Variants in POPDC1 observed in about 807,000 individuals in gnomAD.
POPDC1 encodes the protein popeye domain-containing protein 1.
chr6:105,125,299 A>G, the POPDC1 span: 27 of 1,413,926 alleles, frequency 1.9e-5, no homozygotes, highest in Admixed American at 3.6e-5. Flanking sequence ...TTCTCCATTC[A>G]TTGGCAACAT....
chr6:105,133,449 C>T, the POPDC1 span: 8 of 1,613,684 alleles, frequency 5.0e-6, no homozygotes, highest in African/African-American at 8.0e-5. Flanking sequence ...CATGAAAAAC[C>T]AGATGATGTA....
the POPDC1 span, chr6:105,116,907 T>A: frequency 6.3e-7 from 1 of 1,576,866 alleles, no homozygotes; most frequent in Non-Finnish European, 8.6e-7. Context: ...AAAGTACATC[T>A]ATGTATATGA....
At chr6:105,107,285 T>A in the POPDC1 span, among the ~76,000 whole-genome samples, 1 of 152,216 alleles carries the variant, frequency 6.6e-6, no homozygotes, top group Admixed American at 6.5e-5. Flanking sequence ...ACCAGGGAGC[T>A]CTTACATGAC....
At chr6:105,125,008 A>G in the POPDC1 span, among the ~76,000 whole-genome samples, 3 of 152,196 alleles carry the variant, frequency 2.0e-5, no homozygotes, top group African/African-American at 7.2e-5. Flanking sequence ...TCTCTCCCCA[A>G]AAGGCTGATA....
the POPDC1 span, chr6:105,101,123 G>A: frequency 6.2e-7 from 1 of 1,613,696 alleles, no homozygotes; most frequent in Non-Finnish European, 8.5e-7. Context: ...TGTATTTGGA[G>A]ATGCCGGTTC....
At chr6:105,133,342 G>C in the POPDC1 span, 3 of 1,591,784 alleles carry the variant, frequency 1.9e-6, no homozygotes, top group Non-Finnish European at 2.6e-6. Flanking sequence ...GTATCAGTTA[G>C]GTATCTTACC....
the POPDC1 span, chr6:105,129,283 TA>T: frequency 9.1e-7 from 1 of 1,093,912 alleles, no homozygotes; most frequent in Non-Finnish European, 1.3e-6. Context: ...TTAAAGTGAC[TA>T]AATATGCTAG....
chr6:105,121,432 T>A, the POPDC1 span, among the ~76,000 whole-genome samples: 27 of 152,044 alleles, frequency 1.8e-4, no homozygotes, highest in Admixed American at 1.8e-3. Flanking sequence ...CATGCTCAGC[T>A]AATTTTTGTA....
chr6:105,134,985 C>G, the POPDC1 span, among the ~76,000 whole-genome samples: 184 of 152,248 alleles, frequency 1.2e-3, no homozygotes, highest in Non-Finnish European at 1.8e-3. Flanking sequence ...CAAGGCCAAA[C>G]GAGAATGAAT....
chr6:105,129,073 T>C, the POPDC1 span, among the ~76,000 whole-genome samples: 1,728 of 152,308 alleles, frequency 0.011, 35 homozygotes, highest in African/African-American at 0.04. Context: ...TGGGCAATGA[T>C]ATTTCCAGGT....
At chr6:105,132,517 T>C in the POPDC1 span, among the ~76,000 whole-genome samples, 5 of 152,154 alleles carry the variant, frequency 3.3e-5, no homozygotes, top group Admixed American at 2.0e-4. Context: ...TACGCCATAC[T>C]GGGATTGCCC....
chr6:105,134,742 C>T, the POPDC1 span, among the ~76,000 whole-genome samples: 2 of 152,110 alleles, frequency 1.3e-5, no homozygotes, highest in African/African-American at 4.8e-5. Context: ...CACCAATTTA[C>T]AAATTGTGAA....
At chr6:105,121,268 CTTT>C in the POPDC1 span, among the ~76,000 whole-genome samples, 3 of 142,574 alleles carry the variant, frequency 2.1e-5, no homozygotes, top group African/African-American at 2.6e-5. Flanking sequence ...CTACTTTTAT[CTTT>C]TTTTTTTTTT....
chr6:105,099,028 C>T, the POPDC1 span: 1 of 152,198 alleles, frequency 6.6e-6, no homozygotes. Context: ...CCACACCCAG[C>T]TAATTTTTTT....
chr6:105,131,462 G>C, the POPDC1 span, among the ~76,000 whole-genome samples: 1 of 151,776 alleles, frequency 6.6e-6, no homozygotes, highest in Non-Finnish European at 1.5e-5. Flanking sequence ...TTTGAGACAG[G>C]GTCTTGCTCT....
chr6:105,127,734 C>T, the POPDC1 span, among the ~76,000 whole-genome samples: 11 of 152,008 alleles, frequency 7.2e-5, no homozygotes, highest in Admixed American at 6.6e-4. Flanking sequence ...TGGCGCCCAG[C>T]CTCATGAAGC....
chr6:105,099,259 T>C, the POPDC1 span: 2 of 152,214 alleles, frequency 1.3e-5, no homozygotes, highest in Non-Finnish European at 2.9e-5. Context: ...TGACCGAGCA[T>C]GTAAATTTAA....
At chr6:105,107,070 A>G in the POPDC1 span, among the ~76,000 whole-genome samples, 1 of 152,060 alleles carries the variant, frequency 6.6e-6, no homozygotes, top group African/African-American at 2.4e-5. Flanking sequence ...TTTTGTATCC[A>G]TTAACCATCT....
chr6:105,101,791 G>A, the POPDC1 span, among the ~76,000 whole-genome samples: 1 of 152,290 alleles, frequency 6.6e-6, no homozygotes, highest in East Asian at 1.9e-4. Flanking sequence ...CGCAATCCCA[G>A]GCAGCAGCAG....
Sources: gnomAD v4.1 joint callset for allele counts (sites outside exome capture counted in the v4.1 genomes callset) on GRCh38, gnomAD v4.1.1 for gene constraint, MANE v1.5 for transcripts, NCBI Gene and HGNC (gene_info 2026-07-23, HGNC 2026-07-21) for gene names.